Variants in COL19A1 observed in about 807,000 individuals in gnomAD.
COL19A1 encodes collagen type XIX alpha 1 chain, also known as collagen alpha-1(XIX) chain.
Under a neutral mutation model 190.2 loss-of-function variants are expected in COL19A1, and 159 were observed. That is an observed-to-expected ratio of 0.84 (90% CI 0.73 to 0.95). The LOEUF (loss-of-function observed/expected upper bound fraction) is 0.95, where lower values mean the gene tolerates loss of function less well. COL19A1 is among the 40% of genes least tolerant of loss of function. The pLI, the probability that COL19A1 is intolerant of heterozygous loss-of-function variation, is 0.00. For synonymous variants in COL19A1, 509 were observed against 458.9 expected, an observed-to-expected ratio of 1.11 and a Z score of -1.39; for missense variants, 1,418 against 1,431.9, an observed-to-expected ratio of 0.99 and a Z score of 0.16.
chr6:70,180,307 G>A lies in COL19A1; in HGVS notation c.2668-5G>A, dbSNP rs374760165. 36 of 1,614,012 alleles carry A rather than the reference G, an allele frequency of 2.2e-5. No individual in the cohort carries two copies. The African/African-American group carries it at 4.3e-4, about 19-fold the overall frequency. On this transcript the variant is annotated splice_region_variant and splice_polypyrimidine_tract_variant and intron_variant, in intron 42 of 50. Transcript: ENST00000620364. Reference sequence around the variant, plus strand: ...CTAACATTTCTCTTCAATTTGCCTTGCCAGGGAAAACCTGGTGCCCCAGGG... The same window carrying A: ...CTAACATTTCTCTTCAATTTGCCTTACCAGGGAAAACCTGGTGCCCCAGGG...
In COL19A1 at chr6:70,142,066, C is replaced by A; in HGVS notation, c.1562C>A (p.Pro521Gln). The change falls in exon 22 of 51, where the codon CCA (proline) becomes CAA (glutamine). Residue 521 changes from proline to glutamine, a missense_variant. Coordinates refer to ENST00000620364, the MANE Select transcript of COL19A1 (RefSeq NM_001858.6). ...GGACCCCCTGGTTTAATAGGAAGCC[C>A]AGGACTAAAGGTATATAAGAAATAA... ...DPGPPGLIGS[P>Q]GLKGQQGSAG... 6.2e-7 allele frequency: 1 copy of A among 1,611,814 alleles called. No individual in the cohort carries two copies. The highest frequency in any genetic ancestry group is 1.1e-5 in the South Asian group (1 of 90,996).
intron 34 of COL19A1, among the ~76,000 whole-genome samples, chr6:70,160,884 CAT>C (rs1051560317): frequency 1.3e-5 from 2 of 152,138 alleles, no homozygotes; most frequent in African/African-American, 4.8e-5. Context: ...TTTATTTTTA[CAT>C]GTTTTCTAAC....
chr6:69,951,626 A>G (rs1774129568), intron 9 of COL19A1, among the ~76,000 whole-genome samples: 1 of 151,970 alleles, frequency 6.6e-6, no homozygotes, highest in Admixed American at 6.6e-5. Context: ...CTCACTTATT[A>G]TAAATATGTA....
At chr6:69,971,718 G>C (rs1015186188) in intron 11 of COL19A1, among the ~76,000 whole-genome samples, 1 of 152,088 alleles carries the variant, frequency 6.6e-6, no homozygotes, top group Non-Finnish European at 1.5e-5. Flanking sequence ...AGGTGTAACT[G>C]CTATTATTTA....
chr6:70,069,428 T>A (rs1014252829), intron 15 of COL19A1, among the ~76,000 whole-genome samples: 5 of 152,182 alleles, frequency 3.3e-5, no homozygotes, highest in Non-Finnish European at 7.4e-5. Flanking sequence ...ATCAAGTTAA[T>A]AAAATTCCAA....
intron 4 of COL19A1, among the ~76,000 whole-genome samples, chr6:69,912,533 T>C (rs17689448): frequency 0.16 from 24,648 of 152,164 alleles, 2,534 homozygotes; most frequent in African/African-American, 0.28. Flanking sequence ...GCTCTCTCCA[T>C]GCAAATGCTA....
intron 4 of COL19A1, among the ~76,000 whole-genome samples, chr6:69,902,700 A>G (rs953287156): frequency 2.0e-5 from 3 of 152,192 alleles, no homozygotes; most frequent in Non-Finnish European, 4.4e-5. Flanking sequence ...ATGAGAGGCC[A>G]CACAGACAGC....
intron 13 of COL19A1, 28 bp downstream of exon 13, chr6:70,034,326 C>A: frequency 5.7e-6 from 9 of 1,588,652 alleles, no homozygotes; most frequent in Non-Finnish European, 6.9e-6. Flanking sequence ...CCAAGCCCAA[C>A]CTTTCTTTAA....
intron 4 of COL19A1, among the ~76,000 whole-genome samples, chr6:69,908,865 G>A (rs987130623): frequency 6.6e-6 from 1 of 151,974 alleles, no homozygotes; most frequent in East Asian, 1.9e-4. Flanking sequence ...TCATTTATTA[G>A]CCAGAGAGAA....
At position 70,034,243 on chromosome 6, in the gene COL19A1, A is replaced by G; in HGVS notation, c.1081-2A>G. On this transcript the variant is annotated splice_acceptor_variant, in intron 12 of 50. Transcript: ENST00000620364. LOFTEE classifies it high-confidence loss of function. The stretch of plus-strand genomic sequence containing the variant: ...TGTGTATTGGTTATATTCTTTCTAC[A>G]GGGTTTGAAAGGTGACTTGGGTCCT... The G allele has an allele frequency of 6.2e-7, 1 of 1,606,992 alleles. No individual in the cohort carries two copies. Among genetic ancestry groups the G allele is most frequent in the Non-Finnish European group, 8.5e-7 (1 of 1,173,464 alleles).
At chr6:70,180,896 T>A (rs1766133191) in intron 44 of COL19A1, among the ~76,000 whole-genome samples, 1 of 152,224 alleles carries the variant, frequency 6.6e-6, no homozygotes, top group South Asian at 2.1e-4. Flanking sequence ...AATCCTAAAG[T>A]AGAAGTTATT....
intron 13 of COL19A1, among the ~76,000 whole-genome samples, chr6:70,034,808 T>C (rs745752575): frequency 5.9e-5 from 9 of 152,222 alleles, no homozygotes; most frequent in Non-Finnish European, 1.0e-4. Flanking sequence ...AATAAAGTAG[T>C]TGGGTGATCC....
At chr6:70,132,905 T>A (rs1018328847) in intron 18 of COL19A1, among the ~76,000 whole-genome samples, 3 of 152,186 alleles carry the variant, frequency 2.0e-5, no homozygotes, top group Non-Finnish European at 4.4e-5. Context: ...CAGAATTGTA[T>A]CTACACAAAG....
intron 11 of COL19A1, among the ~76,000 whole-genome samples, chr6:69,971,223 A>G (rs1775403642): frequency 1.3e-5 from 2 of 152,236 alleles, no homozygotes; most frequent in Non-Finnish European, 2.9e-5. Flanking sequence ...GTATTATTTT[A>G]ATGATTGCAT....
intron 1 of COL19A1, among the ~76,000 whole-genome samples, chr6:69,877,855 A>G (rs182404090): frequency 1.3e-5 from 2 of 151,944 alleles, no homozygotes; most frequent in Non-Finnish European, 2.9e-5. Context: ...AAATACAAAA[A>G]TTAGCTGGGC....
intron 14 of COL19A1, among the ~76,000 whole-genome samples, chr6:70,046,010 G>A (rs1779892283): frequency 6.6e-6 from 1 of 152,146 alleles, no homozygotes; most frequent in Non-Finnish European, 1.5e-5. Flanking sequence ...GTTGCTATCT[G>A]TGAGCATGTT....
rs115275760 is a variant in COL19A1 at position 69,983,527 on chromosome 6, G to A, written c.1026+20657G>A. 2.8e-3 allele frequency among the ~76,000 whole-genome samples: 432 copies of A among 152,066 alleles called. 3 individuals are homozygous for A. Among genetic ancestry groups the A allele is most frequent in the African/African-American group, 9.7e-3 (401 of 41,498 alleles). On this transcript the variant is annotated intron_variant, in intron 11 of 50. Coordinates refer to ENST00000620364, the MANE Select transcript of COL19A1 (RefSeq NM_001858.6). ...AATATTGAAAAGAAGTGGTTATAGT[G>A]TACATTCTTGTTCTTTTTCTAAATT...
intron 9 of COL19A1, among the ~76,000 whole-genome samples, chr6:69,952,034 G>A (rs1043796706): frequency 2.9e-4 from 44 of 151,702 alleles, no homozygotes; most frequent in Admixed American, 2.5e-3. Context: ...AGTTTGCTTC[G>A]GACATCCTGC....
intron 14 of COL19A1, among the ~76,000 whole-genome samples, chr6:70,062,623 C>T (rs1180561151): frequency 2.0e-5 from 3 of 151,980 alleles, no homozygotes; most frequent in African/African-American, 2.4e-5. Flanking sequence ...CAAATTCACA[C>T]GTAACAATAT....
Sources: allele counts gnomAD v4.1 joint callset (sites outside exome capture counted in the v4.1 genomes callset), GRCh38; gene constraint gnomAD v4.1.1; transcripts MANE v1.5; gene names NCBI Gene and HGNC (gene_info 2026-07-23, HGNC 2026-07-21).